TMEM144: variants seen among roughly 807,000 people sequenced by gnomAD.
TMEM144 encodes the protein transmembrane protein 144.
In TMEM144, 39 loss-of-function variants were observed where a neutral mutation model predicts 43.6. The observed-to-expected ratio is 0.90, with a 90% CI of 0.69 to 1.17. The LOEUF (loss-of-function observed/expected upper bound fraction) is 1.17, where lower values mean the gene tolerates loss of function less well. Ranked by LOEUF, TMEM144 falls within the 50% of genes most tolerant of loss-of-function variation. The pLI, the probability that TMEM144 is intolerant of heterozygous loss-of-function variation, is 0.00. For synonymous variants in TMEM144, 154 were observed against 133.6 expected, an observed-to-expected ratio of 1.15 and a Z score of -1.06; for missense variants, 417 against 411.9, an observed-to-expected ratio of 1.01 and a Z score of -0.11.
At chr4:158,244,211 A>G in intron 11 of TMEM144, 85 bp from the exon 12 acceptor site, 1 of 978,514 alleles carries the variant, frequency 1.0e-6, no homozygotes, top group Non-Finnish European at 1.4e-6. Context: ...AAATATGTTT[A>G]TACTGTCTCT....
At chr4:158,241,034 G>C (rs1424425196) in intron 10 of TMEM144, among the ~76,000 whole-genome samples, 1 of 151,984 alleles carries the variant, frequency 6.6e-6, no homozygotes, top group Non-Finnish European at 1.5e-5. Context: ...TTATGCTAAA[G>C]AATGCCACCG....
At chr4:158,230,140 A>G (rs1438329682) in intron 6 of TMEM144, among the ~76,000 whole-genome samples, 3 of 152,226 alleles carry the variant, frequency 2.0e-5, no homozygotes, top group Non-Finnish European at 2.9e-5. Flanking sequence ...GGGATCTTCC[A>G]ATCTGTAGGT....
intron 7 of TMEM144, chr4:158,234,117 A>T (rs1247376558): frequency 3.3e-5 from 5 of 152,266 alleles, no homozygotes; most frequent in African/African-American, 4.8e-5. Context: ...ACCATGCATC[A>T]TGAGCTCCTT....
intron 6 of TMEM144, among the ~76,000 whole-genome samples, chr4:158,228,593 C>T (rs1734896286): frequency 6.6e-6 from 1 of 152,198 alleles, no homozygotes; most frequent in African/African-American, 2.4e-5. Flanking sequence ...AGGCATCCCA[C>T]CGGGGCAAAT....
At chr4:158,229,551 G>A (rs1474126746) in intron 6 of TMEM144, among the ~76,000 whole-genome samples, 3 of 152,084 alleles carry the variant, frequency 2.0e-5, no homozygotes, top group Admixed American at 1.3e-4. Flanking sequence ...TCGCTGGGGG[G>A]AAAACCATTT....
In TMEM144 at chr4:158,221,386, A is replaced by C. The variant is rs151114215; in HGVS notation, c.413+1996A>C. ...CTTCTCCCATCTTCTCAAATGATGC[A>C]AGTGCCTCCCCCTGGCAGAACCTAG... On this transcript the variant is annotated intron_variant, in intron 6 of 12. Transcript: ENST00000296529. Among the ~76,000 whole-genome samples, 130 of 152,272 alleles carry C rather than the reference A, an allele frequency of 8.5e-4. 1 individual carries two copies. In the East Asian group the frequency reaches 0.023, roughly 27 times the overall value.
intron 2 of TMEM144, 101 bp downstream of exon 2, chr4:158,211,675 G>T (rs1733966558): frequency 6.6e-6 from 1 of 152,192 alleles, no homozygotes. Context: ...ATGTGCCTCA[G>T]TGTGTCTTCC....
At chr4:158,221,552 C>T (rs1309967459) in intron 6 of TMEM144, among the ~76,000 whole-genome samples, 3 of 152,170 alleles carry the variant, frequency 2.0e-5, no homozygotes, top group Non-Finnish European at 4.4e-5. Context: ...TCTTGAAGAT[C>T]CAGAAGCCAG....
intron 3 of TMEM144, among the ~76,000 whole-genome samples, chr4:158,214,399 A>G (rs566494131): frequency 3.9e-4 from 59 of 152,328 alleles, no homozygotes; most frequent in African/African-American, 1.3e-3. Context: ...TGAATCCAAG[A>G]GGGGCAACAA....
At chr4:158,215,065 A>G in intron 3 of TMEM144, 126 bp from the exon 4 acceptor site, 1 of 1,173,096 alleles carries the variant, frequency 8.5e-7, no homozygotes. Flanking sequence ...TGAAATGTGC[A>G]AAGTCCATGG....
intron 3 of TMEM144, among the ~76,000 whole-genome samples, chr4:158,214,211 T>C (rs925451118): frequency 6.6e-6 from 1 of 152,046 alleles, no homozygotes; most frequent in African/African-American, 2.4e-5. Context: ...TAATTTCTTA[T>C]ATTTATGGTA....
chr4:158,211,186 T>C (rs921751051), intron 1 of TMEM144: 3 of 152,230 alleles, frequency 2.0e-5, no homozygotes, highest in Non-Finnish European at 4.4e-5. Context: ...ATAAACTTCA[T>C]TTATCTATAG....
intron 8 of TMEM144, chr4:158,235,754 A>G (rs1735312519): frequency 2.9e-6 from 1 of 348,626 alleles, no homozygotes; most frequent in Admixed American, 4.3e-5. Context: ...AGATAATAAA[A>G]GCAACCTAAT....
intron 6 of TMEM144, among the ~76,000 whole-genome samples, chr4:158,226,695 C>G (rs1044345828): frequency 6.6e-6 from 1 of 152,036 alleles, no homozygotes; most frequent in African/African-American, 2.4e-5. Flanking sequence ...TACAACATTT[C>G]TTGCATAAAT....
rs1310689319 is a variant in TMEM144, at chr4:158,254,857, T to C, written c.*1330T>C. The C allele has an allele frequency of 2.0e-5, 3 of 152,194 alleles. No homozygotes were observed. The highest frequency in any genetic ancestry group is 4.4e-5 in the Non-Finnish European group (3 of 68,040). The allele number at this position is 152,194 out of a possible 1,614,324, so 9.4% of individuals were successfully genotyped here. ...CTGCTTCATTTTATTTGTGTGGCTT[T>C]GGACAAGTTCCTAAGCCCTCTGTGT... On this transcript the variant is annotated 3_prime_UTR_variant, in exon 13 of 13. Coordinates refer to ENST00000296529, the MANE Select transcript of TMEM144 (RefSeq NM_018342.5).
At chr4:158,229,595 A>C (rs1734964716) in intron 6 of TMEM144, among the ~76,000 whole-genome samples, 1 of 152,130 alleles carries the variant, frequency 6.6e-6, no homozygotes. Flanking sequence ...GAACTACTGG[A>C]GGAAAGGCTA....
intron 8 of TMEM144, among the ~76,000 whole-genome samples, chr4:158,236,723 T>A (rs1735368161): frequency 6.6e-6 from 1 of 152,098 alleles, no homozygotes; most frequent in Non-Finnish European, 1.5e-5. Context: ...TCTCACTCTG[T>A]CGCCTGGGCT....
chr4:158,247,937 G>A (rs1269168485), intron 12 of TMEM144, among the ~76,000 whole-genome samples: 2 of 146,576 alleles, frequency 1.4e-5, no homozygotes, highest in Non-Finnish European at 3.0e-5. Flanking sequence ...AAAAAAAAAA[G>A]CATGACAGCA....
At chr4:158,233,074 G>GAGCAAACACCACT in intron 7 of TMEM144, 92 bp downstream of exon 7, 1 of 963,162 alleles carries the variant, frequency 1.0e-6, no homozygotes, top group Non-Finnish European at 1.6e-6. Context: ...AAAAAGTGGT[G>GAGCAAACACCACT]TTTGCTCATC....
Sources: gnomAD v4.1 joint callset for allele counts (sites outside exome capture counted in the v4.1 genomes callset) on GRCh38, gnomAD v4.1.1 for gene constraint, MANE v1.5 for transcripts, NCBI Gene and HGNC (gene_info 2026-07-23, HGNC 2026-07-21) for gene names.